APAF1: variants seen among roughly 807,000 people sequenced by gnomAD.
APAF1 encodes apoptotic peptidase activating factor 1.
APAF1 carries 91 observed loss-of-function variants against 152.4 expected under a neutral mutation model. That is an observed-to-expected ratio of 0.60 (90% CI 0.50 to 0.71). The LOEUF (loss-of-function observed/expected upper bound fraction) is 0.71. Among genes scored for constraint, APAF1 ranks in the 30% least tolerant of loss-of-function variants. APAF1 has a pLI of 0.00. For synonymous variants in APAF1, 484 were observed against 494.1 expected (o/e 0.98, Z 0.27); for missense variants, 1,283 against 1,472.0 (o/e 0.87, Z 2.10).
At position 98,675,964 on chromosome 12, in the gene APAF1, C is replaced by T. The variant is rs145836591; in HGVS notation, c.1794-1461C>T. On this transcript the variant is annotated intron_variant, in intron 12 of 26. Transcript: ENST00000551964. The stretch of plus-strand genomic sequence containing the variant: ...GTGCTGTTTAGAATAGATACCATTA[C>T]TTCCATTTGACATATGAAGAAATAA... Among the ~76,000 whole-genome samples the T allele has an allele frequency of 3.4e-3, 511 of 152,274 alleles. 2 individuals carry two copies. Among genetic ancestry groups the T allele is most frequent in the African/African-American group, 0.011 (442 of 41,554 alleles).
At chr12:98,680,000 C>T (rs373523168) in intron 13 of APAF1, among the ~76,000 whole-genome samples, 7 of 152,274 alleles carry the variant, frequency 4.6e-5, no homozygotes, top group South Asian at 2.1e-4. Context: ...TGGGCAAAGG[C>T]GCCACCGGCC....
rs767562909 is a variant in APAF1 at position 98,665,785 on chromosome 12, T to C, written c.1188T>C (p.Pro396=). The C allele has an allele frequency of 1.2e-6, 2 of 1,606,958 alleles. No homozygotes were observed. Among genetic ancestry groups the C allele is most frequent in the Non-Finnish European group, 1.7e-6 (2 of 1,173,514 alleles). ...LSILQKDVKV[P]TKVLCILWDM... The stretch of plus-strand genomic sequence containing the variant: ...TCCTTCAGAAGGACGTTAAGGTGCC[T>C]ACAAAGGTAATGGGATCAATGATCC... The change falls in exon 8 of 27, where the codon CCT becomes CCC. Residue 396 remains proline (P), a synonymous_variant. Coordinates refer to ENST00000551964, the MANE Select transcript of APAF1 (RefSeq NM_181861.2).
intron 11 of APAF1, 120 bp from the exon 12 acceptor site, chr12:98,671,415 A>G (rs999055586): frequency 1.0e-5 from 10 of 965,520 alleles, no homozygotes; most frequent in Admixed American, 9.2e-5. Flanking sequence ...TTGGCTGTTC[A>G]ATTTTAGTTC....
chr12:98,685,075 T>A (rs1213412176), intron 15 of APAF1, among the ~76,000 whole-genome samples: 1 of 152,228 alleles, frequency 6.6e-6, no homozygotes, highest in Non-Finnish European at 1.5e-5. Context: ...GAAGTGGACA[T>A]GAGGAACAGT....
intron 4 of APAF1, 128 bp from the exon 5 acceptor site, chr12:98,659,032 C>G: frequency 3.3e-6 from 3 of 916,164 alleles, no homozygotes; most frequent in Non-Finnish European, 5.2e-6. Context: ...AATTTCTACT[C>G]TAAATCAAGA....
chr12:98,725,282 C>A, intron 24 of APAF1, 133 bp from the exon 25 acceptor site: 1 of 1,116,216 alleles, frequency 9.0e-7, no homozygotes, highest in Non-Finnish European at 1.3e-6. Context: ...GGAACTTGGG[C>A]ATCTCATGAC....
In APAF1 at chr12:98,649,701, A is replaced by G. The variant is rs2097646496; in HGVS notation, c.526+17A>G. On this transcript the variant is annotated intron_variant, in intron 4 of 26. Coordinates refer to ENST00000551964, the MANE Select transcript of APAF1 (RefSeq NM_181861.2). ...TTTTAGAAGGTAAGTGTCTTAGTCC[A>G]TTTCATAGTCTAGTAAGGTAGATAG... The G allele has an allele frequency of 6.2e-7, 1 of 1,608,306 alleles. No homozygotes were observed. Among genetic ancestry groups the G allele is most frequent in the African/African-American group, 1.3e-5 (1 of 74,926 alleles).
At chr12:98,688,058 C>T (rs887687388) in intron 16 of APAF1, among the ~76,000 whole-genome samples, 1 of 152,108 alleles carries the variant, frequency 6.6e-6, no homozygotes, top group African/African-American at 2.4e-5. Flanking sequence ...TTTATTCATT[C>T]TGCCTTTTAT....
intron 5 of APAF1, among the ~76,000 whole-genome samples, chr12:98,661,329 T>C (rs890072578): frequency 3.9e-5 from 6 of 152,182 alleles, no homozygotes; most frequent in Non-Finnish European, 5.9e-5. Context: ...AATTGACTTC[T>C]GTTGAGTAAA....
At chr12:98,653,367 T>C (rs1323238456) in intron 4 of APAF1, among the ~76,000 whole-genome samples, 1 of 151,788 alleles carries the variant, frequency 6.6e-6, no homozygotes, top group African/African-American at 2.4e-5. Flanking sequence ...ATTAAGTTGT[T>C]AACTTTTAGC....
At position 98,712,362 on chromosome 12, in the gene APAF1, C is replaced by T; in HGVS notation, c.2885C>T (p.Ala962Val). The T allele has an allele frequency of 6.2e-7, 1 of 1,613,524 alleles. No individual in the cohort carries two copies. The highest frequency in any genetic ancestry group is 1.7e-5 in the Admixed American group (1 of 59,998). ...GGTCAGATTGATTATCTGACTGAAG[C>T]TCAAGTTAGCTGCTGTTGCTTAAGT... is the stretch of plus-strand genomic sequence containing the variant. ...RTGQIDYLTE[A>V]QVSCCCLSPH... Residue 962 changes from alanine (A) to valine (V), a missense_variant, in exon 21 of 27, where the codon GCT (alanine) becomes GTT (valine). Physicochemically the swap from Ala to Val is moderately conservative, Grantham distance 64. Coordinates refer to ENST00000551964, the MANE Select transcript of APAF1 (RefSeq NM_181861.2).
chr12:98,676,605 T>G (rs1268759917), intron 12 of APAF1, among the ~76,000 whole-genome samples: 3 of 152,176 alleles, frequency 2.0e-5, no homozygotes, highest in Non-Finnish European at 4.4e-5. Flanking sequence ...ATGATGTTGC[T>G]TTATCTTTTT....
chr12:98,692,165 C>T (rs1336113653), intron 16 of APAF1, among the ~76,000 whole-genome samples: 3 of 152,162 alleles, frequency 2.0e-5, no homozygotes, highest in Non-Finnish European at 2.9e-5. Flanking sequence ...TCACTGCAAG[C>T]TCCGCCTCCT....
intron 10 of APAF1, among the ~76,000 whole-genome samples, chr12:98,668,805 A>G (rs1402730776): frequency 6.6e-6 from 1 of 152,212 alleles, no homozygotes; most frequent in Non-Finnish European, 1.5e-5. Flanking sequence ...TAAGTCTGAT[A>G]TACCTATTAA....
At chr12:98,661,056 C>A (rs1420866234) in intron 5 of APAF1, among the ~76,000 whole-genome samples, 1 of 152,226 alleles carries the variant, frequency 6.6e-6, no homozygotes, top group Non-Finnish European at 1.5e-5. Context: ...CTCCCCACCA[C>A]ACGCCGGGCT....
At chr12:98,709,931 A>C (rs962764231) in intron 20 of APAF1, among the ~76,000 whole-genome samples, 4 of 152,206 alleles carry the variant, frequency 2.6e-5, no homozygotes, top group African/African-American at 9.7e-5. Context: ...GCTGGAGTGC[A>C]GTGGCACGAT....
chr12:98,730,123 G>GATGT (rs2097758314), intron 26 of APAF1, among the ~76,000 whole-genome samples: 1 of 152,076 alleles, frequency 6.6e-6, no homozygotes, highest in African/African-American at 2.4e-5. Context: ...AAAAAGAAAG[G>GATGT]ATGTATGTTA....
At position 98,708,504 on chromosome 12, in the gene APAF1, G is replaced by A. The variant is rs1019085468; in HGVS notation, c.2722-81G>A. Reference sequence around the variant, plus strand: ...TTCTAGCATCATAGGTATTTTATGTGAAACATAGTTTGTCTCTCGCTTTAA... The same window carrying A: ...TTCTAGCATCATAGGTATTTTATGTAAAACATAGTTTGTCTCTCGCTTTAA... On this transcript the variant is annotated intron_variant, in intron 19 of 26. Coordinates refer to ENST00000551964, the MANE Select transcript of APAF1 (RefSeq NM_181861.2). The A allele has an allele frequency of 2.8e-6, 4 of 1,434,016 alleles. No individual in the cohort carries two copies. The African/African-American group carries it at 5.6e-5, about 20-fold the overall frequency. 88.8% of individuals were successfully genotyped at this position (1,434,016 alleles called of 1,614,324 possible). A position where few individuals can be genotyped will look rare whatever the true frequency, so the allele number is the denominator to read the frequency against.
intron 14 of APAF1, 23 bp from the exon 15 acceptor site, chr12:98,683,120 A>C: frequency 2.5e-6 from 4 of 1,600,436 alleles, no homozygotes; most frequent in Non-Finnish European, 3.4e-6. Flanking sequence ...GATATTTGTA[A>C]ATTTTTTCTC....
Sources: gnomAD v4.1 joint callset for allele counts (sites outside exome capture counted in the v4.1 genomes callset) on GRCh38, gnomAD v4.1.1 for gene constraint, MANE v1.5 for transcripts, NCBI Gene and HGNC (gene_info 2026-07-23, HGNC 2026-07-21) for gene names.